Variants in PTPRT observed in about 807,000 individuals in gnomAD.
The protein encoded by PTPRT is protein tyrosine phosphatase receptor type T.
Under a neutral mutation model 176.8 loss-of-function variants are expected in PTPRT, and 56 were observed. The observed-to-expected ratio is 0.32, with a 90% CI of 0.26 to 0.40. The LOEUF is 0.40. PTPRT is among the 10% of genes least tolerant of loss of function. The pLI is 1.00. For synonymous variants in PTPRT, 783 were observed against 739.0 expected, an observed-to-expected ratio of 1.06 and a Z score of -0.96; for missense variants, 1,540 against 1,908.2, an observed-to-expected ratio of 0.81 and a Z score of 3.60.
intron 1 of PTPRT, among the ~76,000 whole-genome samples, chr20:43,006,691 T>G (rs558614870): frequency 6.6e-6 from 1 of 152,320 alleles, no homozygotes; most frequent in African/African-American, 2.4e-5. Context: ...AGTGAAATCA[T>G]CTGTTTACAT....
intron 1 of PTPRT, among the ~76,000 whole-genome samples, chr20:43,112,566 T>C (rs183497768): frequency 6.6e-6 from 1 of 152,234 alleles, no homozygotes; most frequent in East Asian, 1.9e-4. Flanking sequence ...GAAAGGAAGG[T>C]AGGAAAATGG....
At chr20:42,589,001 C>T (rs1020147742) in intron 7 of PTPRT, among the ~76,000 whole-genome samples, 1 of 152,190 alleles carries the variant, frequency 6.6e-6, no homozygotes, top group African/African-American at 2.4e-5. Context: ...ACACCTGGAT[C>T]CAGAACCTAT....
chr20:43,092,594 T>C (rs559616021), intron 1 of PTPRT, among the ~76,000 whole-genome samples: 10 of 152,358 alleles, frequency 6.6e-5, no homozygotes, highest in African/African-American at 2.4e-4. Context: ...CCCTATGTGG[T>C]TGAGTGCAAC....
intron 1 of PTPRT, among the ~76,000 whole-genome samples, chr20:43,080,218 T>C (rs1351546197): frequency 6.6e-6 from 1 of 152,160 alleles, no homozygotes; most frequent in African/African-American, 2.4e-5. Context: ...AGCCATTACA[T>C]GGTGCTTCTA....
intron 7 of PTPRT, among the ~76,000 whole-genome samples, chr20:42,481,714 C>T (rs1323378165): frequency 5.9e-5 from 9 of 151,686 alleles, no homozygotes; most frequent in Admixed American, 1.3e-4. Flanking sequence ...CCTCCTGCCT[C>T]AGCCTGGGAG....
chr20:42,473,491 T>C (rs2071235273), intron 7 of PTPRT, among the ~76,000 whole-genome samples: 1 of 152,138 alleles, frequency 6.6e-6, no homozygotes, highest in Non-Finnish European at 1.5e-5. Flanking sequence ...TTTTGTTTCT[T>C]TGAGATGGGA....
Position 42,118,397 on chromosome 20 carries a change from G to C in PTPRT, c.2982+6C>G, listed in dbSNP as rs1211913907. 6.2e-7 allele frequency: 1 copy of C among 1,608,254 alleles called. No homozygotes were observed. The highest frequency in any genetic ancestry group is 1.3e-5 in the African/African-American group (1 of 74,784). ...CTCTGCCCAGGCGAGTGCAGGAGAG[G>C]CTTACCCTGCCCACTTCCACCAGGT... On this transcript the variant is annotated splice_donor_region_variant and intron_variant, in intron 21 of 30. Coordinates refer to ENST00000373187, the MANE Select transcript of PTPRT (RefSeq NM_007050.6).
chr20:42,331,852 T>G (rs1056764460), intron 11 of PTPRT, among the ~76,000 whole-genome samples: 2 of 152,188 alleles, frequency 1.3e-5, no homozygotes, highest in African/African-American at 4.8e-5. Context: ...ACCCATTCAA[T>G]GATTCTGTAA....
At chr20:42,093,313 C>T (rs756935522) in intron 27 of PTPRT, among the ~76,000 whole-genome samples, 14 of 152,134 alleles carry the variant, frequency 9.2e-5, no homozygotes, top group African/African-American at 2.4e-4. Context: ...TGCTGGCTGG[C>T]GTGGTTCTAG....
intron 2 of PTPRT, among the ~76,000 whole-genome samples, chr20:42,840,825 C>T (rs1363819214): frequency 6.6e-6 from 1 of 152,200 alleles, no homozygotes; most frequent in East Asian, 1.9e-4. Context: ...TGCCTGAATG[C>T]CATACTCACA....
At chr20:42,090,281 T>C (rs1353096242) in intron 27 of PTPRT, among the ~76,000 whole-genome samples, 2 of 151,744 alleles carry the variant, frequency 1.3e-5, no homozygotes, top group African/African-American at 2.4e-5. Context: ...AATTTCTCTT[T>C]AGGATAATAC....
chr20:43,159,074 G>A (rs1247132250), intron 1 of PTPRT, among the ~76,000 whole-genome samples: 2 of 151,972 alleles, frequency 1.3e-5, no homozygotes, highest in African/African-American at 4.8e-5. Flanking sequence ...GAGAGGCCAA[G>A]TGATAAAGAG....
intron 16 of PTPRT, among the ~76,000 whole-genome samples, chr20:42,195,406 T>C (rs776270047): frequency 2.0e-5 from 3 of 152,192 alleles, no homozygotes; most frequent in African/African-American, 4.8e-5. Flanking sequence ...GCCACAAAAA[T>C]AGATTCAATT....
chr20:42,467,381 C>G (rs532136350), intron 8 of PTPRT, among the ~76,000 whole-genome samples: 1 of 152,240 alleles, frequency 6.6e-6, no homozygotes, highest in Admixed American at 6.5e-5. Flanking sequence ...TACTGGGACT[C>G]CCTGACATTA....
chr20:42,284,158 A>G (rs1380530315), intron 12 of PTPRT, among the ~76,000 whole-genome samples: 2 of 152,096 alleles, frequency 1.3e-5, no homozygotes, highest in Non-Finnish European at 2.9e-5. Flanking sequence ...ACTAGAACAC[A>G]AAACAGCAGT....
At chr20:42,925,902 C>T (rs910834905) in intron 1 of PTPRT, among the ~76,000 whole-genome samples, 4 of 152,218 alleles carry the variant, frequency 2.6e-5, no homozygotes, top group Non-Finnish European at 4.4e-5. Flanking sequence ...TCTGGTACTG[C>T]ACAGTCCCTT....
intron 7 of PTPRT, among the ~76,000 whole-genome samples, chr20:42,629,770 G>A (rs879724684): frequency 2.6e-5 from 4 of 152,186 alleles, no homozygotes; most frequent in Admixed American, 2.6e-4. Flanking sequence ...TCCAGAACCA[G>A]GCAGTAGTAA....
intron 1 of PTPRT, among the ~76,000 whole-genome samples, chr20:43,025,019 C>T (rs1985854355): frequency 1.3e-5 from 2 of 152,188 alleles, no homozygotes; most frequent in Admixed American, 1.3e-4. Flanking sequence ...CATACACTAC[C>T]ATCTTTCCAA....
chr20:42,714,953 T>C (rs1423567361), intron 6 of PTPRT, among the ~76,000 whole-genome samples: 1 of 152,156 alleles, frequency 6.6e-6, no homozygotes, highest in African/African-American at 2.4e-5. Context: ...GGCTGAGAGC[T>C]GAACAGAAAT....
Sources: gnomAD v4.1 joint callset for allele counts (sites outside exome capture counted in the v4.1 genomes callset) on GRCh38, gnomAD v4.1.1 for gene constraint, MANE v1.5 for transcripts, NCBI Gene and HGNC (gene_info 2026-07-23, HGNC 2026-07-21) for gene names.